FCHO2: variants seen among roughly 807,000 people sequenced by gnomAD.
FCHO2 encodes FCH and mu domain containing endocytic adaptor 2.
In FCHO2, 43 loss-of-function variants were observed where a neutral mutation model predicts 114.1. The ratio of observed to expected loss-of-function variants is 0.38; its 90% CI spans 0.30 to 0.49. The LOEUF (loss-of-function observed/expected upper bound fraction) is 0.49. FCHO2 is among the 20% of genes least tolerant of loss of function. The probability of loss-of-function intolerance (pLI) is 0.97; values close to 1 mark genes in which losing one functional copy is unlikely to be tolerated. For missense variants in FCHO2, 807 were observed against 950.4 expected (o/e 0.85, Z 1.98); for synonymous variants, 293 against 315.2 (o/e 0.93, Z 0.75).
At chr5:73,082,588 G>A (rs1743155288) in intron 23 of FCHO2, among the ~76,000 whole-genome samples, 173 bp from the exon 24 acceptor site, 1 of 152,136 alleles carries the variant, frequency 6.6e-6, no homozygotes, top group Non-Finnish European at 1.5e-5. Context: ...AAAAGATACA[G>A]CATTATGTTT....
chr5:73,056,461 A>G lies in FCHO2; in HGVS notation c.1253+354A>G, dbSNP rs74425993. 6.6e-3 allele frequency among the ~76,000 whole-genome samples: 999 copies of G among 152,228 alleles called. 11 individuals are homozygous for G. Among genetic ancestry groups the G allele is most frequent in the African/African-American group, 0.023 (959 of 41,526 alleles). The stretch of plus-strand genomic sequence containing the variant: ...CACCTTCTCATCCCTTCTTCCACAC[A>G]CTTACATTTTAAGTATCCTTTTGTC... On this transcript the variant is annotated intron_variant, in intron 16 of 25. Transcript: ENST00000430046.
chr5:73,002,367 T>G (rs1754492362), intron 5 of FCHO2, among the ~76,000 whole-genome samples: 1 of 152,182 alleles, frequency 6.6e-6, no homozygotes, highest in African/African-American at 2.4e-5. Flanking sequence ...TGTTATAAAA[T>G]AATTTCTTTG....
chr5:73,084,502 T>C (rs775897137), intron 24 of FCHO2, among the ~76,000 whole-genome samples: 27 of 152,160 alleles, frequency 1.8e-4, no homozygotes, highest in African/African-American at 6.0e-4. Context: ...CTGACCTCAG[T>C]TGATCTGCCA....
At chr5:73,028,152 G>A (rs1324384900) in intron 8 of FCHO2, among the ~76,000 whole-genome samples, 1 of 152,066 alleles carries the variant, frequency 6.6e-6, no homozygotes, top group African/African-American at 2.4e-5. Context: ...AGCTGAGATT[G>A]TACCACAGCA....
At chr5:73,070,918 C>T (rs977910026) in intron 19 of FCHO2, among the ~76,000 whole-genome samples, 3 of 152,034 alleles carry the variant, frequency 2.0e-5, no homozygotes, top group Non-Finnish European at 2.9e-5. Context: ...GGGACACACA[C>T]TGAAATTGAA....
intron 18 of FCHO2, 41 bp from the exon 19 acceptor site, chr5:73,068,607 GGT>G: frequency 6.3e-7 from 1 of 1,593,358 alleles, no homozygotes; most frequent in Non-Finnish European, 8.6e-7. Context: ...TAACAAGAGA[GGT>G]ATTGTTTTAG....
At chr5:73,017,350 C>A in intron 8 of FCHO2, 42 bp downstream of exon 8, 1 of 1,267,818 alleles carries the variant, frequency 7.9e-7, no homozygotes, top group Non-Finnish European at 1.1e-6. Context: ...TAAATTTTCC[C>A]ATATAGTAAC....
At chr5:73,018,386 A>G (rs1167101028) in intron 8 of FCHO2, among the ~76,000 whole-genome samples, 1 of 152,186 alleles carries the variant, frequency 6.6e-6, no homozygotes, top group Admixed American at 6.5e-5. Flanking sequence ...TCTTTTGCCT[A>G]TACAGTTATG....
At chr5:72,991,951 A>T (rs1753836202) in intron 5 of FCHO2, among the ~76,000 whole-genome samples, 1 of 152,216 alleles carries the variant, frequency 6.6e-6, no homozygotes, top group Admixed American at 6.5e-5. Flanking sequence ...CTTCTGTTAC[A>T]AGTCTGAATA....
At chr5:72,975,072 C>G (rs996823608) in intron 2 of FCHO2, among the ~76,000 whole-genome samples, 1 of 152,164 alleles carries the variant, frequency 6.6e-6, no homozygotes, top group Non-Finnish European at 1.5e-5. Flanking sequence ...GGTCACTGCT[C>G]TAAGGATGCC....
At position 73,068,650 on chromosome 5, in the gene FCHO2, C is replaced by T. The variant is rs1399548771; in HGVS notation, c.1450C>T (p.Pro484Ser). Residue 484 changes from proline to serine, a missense_variant and splice_region_variant, in exon 19 of 26, where the codon CCC becomes TCC. By Grantham distance (74) the Pro-to-Ser change is moderately conservative. Coordinates refer to ENST00000430046, the MANE Select transcript of FCHO2 (RefSeq NM_138782.3). The stretch of plus-strand genomic sequence containing the variant: ...TGATAAATAACTTTTTGTTTTTAAG[C>T]CCAGGCCATTCAGCCCACCTGTAAC... Reference protein sequence around the residue: ...SGKLSGINEIPRPFSPPVTSN... With the variant: ...SGKLSGINEISRPFSPPVTSN... The T allele has an allele frequency of 6.2e-7, 1 of 1,609,708 alleles. No individual in the cohort carries two copies. Among genetic ancestry groups the T allele is most frequent in the African/African-American group, 1.3e-5 (1 of 74,710 alleles).
chr5:72,984,333 C>G (rs960556189), intron 2 of FCHO2, among the ~76,000 whole-genome samples: 1 of 149,756 alleles, frequency 6.7e-6, no homozygotes, highest in Admixed American at 6.6e-5. Context: ...TGAGATTGGC[C>G]TGAACATTTT....
chr5:73,021,438 G>T (rs1755618559), intron 8 of FCHO2, among the ~76,000 whole-genome samples: 1 of 152,120 alleles, frequency 6.6e-6, no homozygotes, highest in East Asian at 1.9e-4. Context: ...AACCTGAACT[G>T]CTTGCTGTTT....
chr5:73,021,288 G>T, intron 8 of FCHO2: 1 of 510,214 alleles, frequency 2.0e-6, no homozygotes. Flanking sequence ...ATCACCACTG[G>T]GGAGCTCCTA....
chr5:73,079,751 A>G (rs1743030935), intron 22 of FCHO2, among the ~76,000 whole-genome samples: 1 of 152,162 alleles, frequency 6.6e-6, no homozygotes, highest in South Asian at 2.1e-4. Flanking sequence ...TGGATGCAAA[A>G]CTCATGTATA....
intron 1 of FCHO2, among the ~76,000 whole-genome samples, chr5:72,967,764 T>G (rs942403223): frequency 1.3e-5 from 2 of 151,886 alleles, no homozygotes; most frequent in Admixed American, 1.3e-4. Context: ...GGATTATGGG[T>G]GCATGCCACC....
At chr5:73,025,827 GT>G (rs1031034533) in intron 8 of FCHO2, among the ~76,000 whole-genome samples, 1 of 152,142 alleles carries the variant, frequency 6.6e-6, no homozygotes, top group African/African-American at 2.4e-5. Context: ...AAAGGATTTT[GT>G]TTTGTAAAGT....
At chr5:73,035,525 C>G (rs1756454266) in intron 9 of FCHO2, among the ~76,000 whole-genome samples, 2 of 152,084 alleles carry the variant, frequency 1.3e-5, no homozygotes, top group African/African-American at 4.8e-5. Flanking sequence ...TTTTGGGAGA[C>G]AGGGTCTCAC....
intron 22 of FCHO2, among the ~76,000 whole-genome samples, chr5:73,080,291 C>G (rs918230340): frequency 1.3e-5 from 2 of 152,144 alleles, no homozygotes; most frequent in African/African-American, 2.4e-5. Context: ...TTCGCTTTAT[C>G]CAGTATTAAG....
Sources: allele counts gnomAD v4.1 joint callset (sites outside exome capture counted in the v4.1 genomes callset), GRCh38; gene constraint gnomAD v4.1.1; transcripts MANE v1.5; gene names NCBI Gene and HGNC (gene_info 2026-07-23, HGNC 2026-07-21).